Variants in PGCKA1 observed in about 807,000 individuals in gnomAD.
PGCKA1 encodes the protein PDCD10 and GCKIII kinases-associated protein 1.
At chr4:37,553,506 C>G in the PGCKA1 span, among the ~76,000 whole-genome samples, 1 of 152,164 alleles carries the variant, frequency 6.6e-6, no homozygotes, top group Non-Finnish European at 1.5e-5. Flanking sequence ...CTGAAATAAA[C>G]TATAATATGG....
chr4:37,480,874 A>C, the PGCKA1 span, among the ~76,000 whole-genome samples: 1 of 152,218 alleles, frequency 6.6e-6, no homozygotes, highest in Admixed American at 6.5e-5. Flanking sequence ...GGATTTAGGC[A>C]GTTTTTTATT....
the PGCKA1 span, among the ~76,000 whole-genome samples, chr4:37,538,029 C>A: frequency 7.9e-5 from 12 of 151,688 alleles, no homozygotes; most frequent in African/African-American, 2.9e-4. Context: ...TCCACTGTCA[C>A]CACCATCACC....
At chr4:37,579,066 A>C in the PGCKA1 span, among the ~76,000 whole-genome samples, 1 of 152,208 alleles carries the variant, frequency 6.6e-6, no homozygotes, top group Non-Finnish European at 1.5e-5. Context: ...TCAAAACATA[A>C]ATAAATAAAT....
chr4:37,569,525 G>A, the PGCKA1 span, among the ~76,000 whole-genome samples: 3 of 151,938 alleles, frequency 2.0e-5, no homozygotes, highest in Admixed American at 2.0e-4. Context: ...CTTATACCTG[G>A]GCACAGACTT....
chr4:37,544,767 T>C, the PGCKA1 span, among the ~76,000 whole-genome samples: 5 of 152,038 alleles, frequency 3.3e-5, no homozygotes, highest in Admixed American at 6.5e-5. Flanking sequence ...TGTTTGTTTG[T>C]TGTTTTGGAT....
the PGCKA1 span, among the ~76,000 whole-genome samples, chr4:37,482,944 G>A: frequency 6.6e-5 from 10 of 152,122 alleles, no homozygotes; most frequent in Non-Finnish European, 1.2e-4. Context: ...GAAATGTGAG[G>A]ACATGAGATT....
chr4:37,483,244 A>G, the PGCKA1 span, among the ~76,000 whole-genome samples: 1 of 152,118 alleles, frequency 6.6e-6, no homozygotes, highest in Non-Finnish European at 1.5e-5. Context: ...AAGTTTCCCA[A>G]GGCCTTCCCA....
At chr4:37,514,506 T>C in the PGCKA1 span, among the ~76,000 whole-genome samples, 1 of 152,170 alleles carries the variant, frequency 6.6e-6, no homozygotes, top group Admixed American at 6.5e-5. Flanking sequence ...ATCCTCTCTT[T>C]CCATGATTTT....
At chr4:37,531,907 A>G in the PGCKA1 span, among the ~76,000 whole-genome samples, 1 of 151,642 alleles carries the variant, frequency 6.6e-6, no homozygotes. Context: ...AAAAAAAAAA[A>G]AAAAAGAATG....
At chr4:37,522,322 T>G in the PGCKA1 span, among the ~76,000 whole-genome samples, 1,040 of 152,254 alleles carry the variant, frequency 6.8e-3, 13 homozygotes, top group African/African-American at 0.023. Flanking sequence ...TTCCCTCACC[T>G]TTCCAAAGGC....
chr4:37,515,801 G>A, the PGCKA1 span, among the ~76,000 whole-genome samples: 1 of 152,158 alleles, frequency 6.6e-6, no homozygotes, highest in Admixed American at 6.5e-5. Flanking sequence ...AAAGATTAAA[G>A]TAAAAATAAC....
chr4:37,561,766 G>C, the PGCKA1 span, among the ~76,000 whole-genome samples: 69,326 of 152,078 alleles, frequency 0.46, 16,619 homozygotes, highest in South Asian at 0.54. Flanking sequence ...TAGGTTCCTA[G>C]AAGCCTCTGG....
At chr4:37,493,462 T>C in the PGCKA1 span, among the ~76,000 whole-genome samples, 1 of 152,220 alleles carries the variant, frequency 6.6e-6, no homozygotes, top group South Asian at 2.1e-4. Flanking sequence ...GCTTTATCCA[T>C]GGAGTCACAG....
At chr4:37,512,942 G>T in the PGCKA1 span, among the ~76,000 whole-genome samples, 2 of 152,188 alleles carry the variant, frequency 1.3e-5, no homozygotes, top group East Asian at 3.9e-4. Flanking sequence ...TACAAAATCA[G>T]CTGGGCGTAG....
At chr4:37,589,060 G>C in the PGCKA1 span, among the ~76,000 whole-genome samples, 1 of 152,194 alleles carries the variant, frequency 6.6e-6, no homozygotes. Context: ...TCATTTAAAA[G>C]AACATGTGCC....
the PGCKA1 span, among the ~76,000 whole-genome samples, chr4:37,566,461 A>G: frequency 6.6e-6 from 1 of 151,980 alleles, no homozygotes; most frequent in East Asian, 1.9e-4. Flanking sequence ...TTGCATTTTC[A>G]GAAGAGATAA....
chr4:37,588,591 C>T, the PGCKA1 span: 1 of 417,452 alleles, frequency 2.4e-6, no homozygotes, highest in Admixed American at 3.6e-5. Context: ...GGATGAAACA[C>T]ATAACCCCAG....
the PGCKA1 span, among the ~76,000 whole-genome samples, chr4:37,575,597 T>C: frequency 3.3e-5 from 5 of 152,208 alleles, no homozygotes; most frequent in African/African-American, 4.8e-5. Flanking sequence ...AGAAGCTTTT[T>C]AACTTGATGT....
chr4:37,500,721 T>C, the PGCKA1 span, among the ~76,000 whole-genome samples: 2 of 152,256 alleles, frequency 1.3e-5, no homozygotes, highest in African/African-American at 2.4e-5. Flanking sequence ...CAGTGGGGTA[T>C]TGAAGTCTCC....
Sources: gnomAD v4.1 joint callset for allele counts (sites outside exome capture counted in the v4.1 genomes callset) on GRCh38, gnomAD v4.1.1 for gene constraint, MANE v1.5 for transcripts, NCBI Gene and HGNC (gene_info 2026-07-23, HGNC 2026-07-21) for gene names.